Variants in FRYL observed in about 807,000 individuals in gnomAD.
FRYL encodes protein furry homolog-like.
In FRYL, 150 loss-of-function variants were observed where a neutral mutation model predicts 351.2. The ratio of observed to expected loss-of-function variants is 0.43; its 90% CI spans 0.37 to 0.49. The LOEUF is 0.49. Among genes scored for constraint, FRYL ranks in the 20% least tolerant of loss-of-function variants. The pLI, the probability that FRYL is intolerant of heterozygous loss-of-function variation, is 0.00. For missense variants in FRYL, 3,036 were observed against 3,619.3 expected (o/e 0.84, Z 4.13); for synonymous variants, 1,153 against 1,257.1 (o/e 0.92, Z 1.75).
intron 1 of FRYL, among the ~76,000 whole-genome samples, chr4:48,712,298 G>A (rs574772091): frequency 1.3e-5 from 2 of 152,034 alleles, no homozygotes; most frequent in African/African-American, 4.8e-5. Flanking sequence ...CAAACCAAAG[G>A]CAAAGAAGTT....
chr4:48,547,432 C>T (rs1731606017), intron 41 of FRYL, 152 bp downstream of exon 41: 1 of 437,108 alleles, frequency 2.3e-6, no homozygotes, highest in Non-Finnish European at 4.0e-6. Context: ...CTTTTATTAG[C>T]AAATAATTTA....
intron 1 of FRYL, among the ~76,000 whole-genome samples, chr4:48,762,286 T>C (rs531380539): frequency 7.9e-5 from 12 of 152,330 alleles, no homozygotes; most frequent in African/African-American, 2.6e-4. Context: ...CATTTTAACA[T>C]ATCTTGACAC....
chr4:48,770,273 A>T (rs539534531), intron 1 of FRYL, among the ~76,000 whole-genome samples: 7 of 151,554 alleles, frequency 4.6e-5, no homozygotes, highest in South Asian at 2.1e-4. Context: ...TTCAAAATTT[A>T]AAAAAAAATG....
chr4:48,704,388 C>T (rs1767079461), intron 2 of FRYL, among the ~76,000 whole-genome samples: 1 of 152,106 alleles, frequency 6.6e-6, no homozygotes, highest in African/African-American at 2.4e-5. Context: ...CAAAATTTGA[C>T]AACATATTCT....
chr4:48,685,607 T>C (rs926548066), intron 2 of FRYL, among the ~76,000 whole-genome samples: 4 of 152,174 alleles, frequency 2.6e-5, no homozygotes, highest in African/African-American at 9.7e-5. Flanking sequence ...CTAAAATAAC[T>C]CTGAGGGCGT....
chr4:48,565,361 T>G (rs577027942), intron 29 of FRYL, among the ~76,000 whole-genome samples, 170 bp downstream of exon 29: 5 of 152,290 alleles, frequency 3.3e-5, no homozygotes, highest in African/African-American at 1.2e-4. Flanking sequence ...TCTGGAACTG[T>G]TTTTCATTGT....
chr4:48,510,131 T>C lies in FRYL; in HGVS notation c.8322A>G (p.Thr2774=). 6.2e-7 allele frequency: 1 copy of C among 1,613,504 alleles called. No homozygotes were observed. ...ETLMSCGLLE[T]LKFGVLELQE... ...GCAACTCCAAAACACCAAACTTGAG[T>C]GTTTCCAGCAAACCACATGACATCA... Residue 2774 remains threonine, a synonymous_variant, in exon 59 of 64, where the codon ACA becomes ACG. Coordinates refer to ENST00000358350, the MANE Select transcript of FRYL (RefSeq NM_015030.2).
intron 47 of FRYL, among the ~76,000 whole-genome samples, chr4:48,536,725 C>G (rs925333518): frequency 4.6e-5 from 7 of 152,174 alleles, no homozygotes; most frequent in Admixed American, 3.3e-4. Flanking sequence ...TTTCCTTATT[C>G]TTCTATCTTA....
chr4:48,658,886 T>C (rs1417910046), intron 3 of FRYL, among the ~76,000 whole-genome samples: 1 of 152,098 alleles, frequency 6.6e-6, no homozygotes, highest in Admixed American at 6.6e-5. Context: ...AATCACTTCA[T>C]ATTTTTCTTT....
Position 48,540,855 on chromosome 4 carries a change from C to A in FRYL, c.5793G>T (p.Leu1931Phe). ...STSPINSSSY[L>F]GYNSNARSNS... ...TACTTCTTGCATTACTGTTATATCC[C>A]AAATAACTGCTACTATTAATGGGAC... The change falls in exon 46 of 64, where the codon TTG becomes TTT. Residue 1931 changes from leucine to phenylalanine, a missense_variant. Leu to Phe is a conservative substitution (Grantham distance 22). Coordinates refer to ENST00000358350, the MANE Select transcript of FRYL (RefSeq NM_015030.2). 1 of 1,613,900 alleles carries A rather than the reference C, an allele frequency of 6.2e-7. No homozygotes were observed. The highest frequency in any genetic ancestry group is 8.5e-7 in the Non-Finnish European group (1 of 1,179,896).
chr4:48,758,072 T>C (rs970448268), intron 1 of FRYL, among the ~76,000 whole-genome samples: 3 of 152,156 alleles, frequency 2.0e-5, no homozygotes, highest in Non-Finnish European at 2.9e-5. Context: ...TTACACCTTA[T>C]ACAAAAATTA....
chr4:48,725,534 A>C (rs903127663), intron 1 of FRYL, among the ~76,000 whole-genome samples: 1 of 152,212 alleles, frequency 6.6e-6, no homozygotes, highest in Admixed American at 6.5e-5. Flanking sequence ...ATAAGTTTTA[A>C]ATAGCACATC....
chr4:48,614,203 TCCCTATTTCTC>T (rs564883011), intron 7 of FRYL, among the ~76,000 whole-genome samples: 122 of 152,104 alleles, frequency 8.0e-4, no homozygotes, highest in African/African-American at 2.8e-3. Context: ...ATCCTGAAAG[TCCCTATTTCTC>T]CCCTTATTTT....
intron 1 of FRYL, among the ~76,000 whole-genome samples, chr4:48,773,879 T>C (rs1346811782): frequency 1.3e-5 from 2 of 152,166 alleles, no homozygotes; most frequent in African/African-American, 2.4e-5. Context: ...TAGCTGTGAC[T>C]GCACCACTGC....
At chr4:48,719,201 C>A (rs759767802) in intron 1 of FRYL, among the ~76,000 whole-genome samples, 2 of 151,616 alleles carry the variant, frequency 1.3e-5, no homozygotes, top group Non-Finnish European at 2.9e-5. Flanking sequence ...ATGGAAGAGA[C>A]TAAACTGCCA....
intron 1 of FRYL, among the ~76,000 whole-genome samples, chr4:48,775,661 G>A (rs1775940741): frequency 6.6e-6 from 1 of 152,182 alleles, no homozygotes; most frequent in African/African-American, 2.4e-5. Context: ...GGGCTACTAT[G>A]AGGAGTGCCC....
At chr4:48,750,769 G>A (rs896200287) in intron 1 of FRYL, among the ~76,000 whole-genome samples, 1 of 152,172 alleles carries the variant, frequency 6.6e-6, no homozygotes, top group Admixed American at 6.5e-5. Context: ...AGTTCAATTT[G>A]ACAAGTTAAT....
chr4:48,527,773 T>C, intron 52 of FRYL, 120 bp from the exon 53 acceptor site: 1 of 1,120,354 alleles, frequency 8.9e-7, no homozygotes, highest in Non-Finnish European at 1.3e-6. Context: ...ACAGCTTAAA[T>C]TTGGTCTTCA....
chr4:48,672,773 G>A (rs1762942632), intron 3 of FRYL, among the ~76,000 whole-genome samples: 1 of 152,070 alleles, frequency 6.6e-6, no homozygotes, highest in Non-Finnish European at 1.5e-5. Context: ...TTTCTCCCAG[G>A]ACCTTCTCTA....
Sources: gnomAD v4.1 joint callset for allele counts (sites outside exome capture counted in the v4.1 genomes callset) on GRCh38, gnomAD v4.1.1 for gene constraint, MANE v1.5 for transcripts, NCBI Gene and HGNC (gene_info 2026-07-23, HGNC 2026-07-21) for gene names.